The following IRAG2 variants were observed in gnomAD, a reference collection of about 807,000 sequenced individuals.
The protein encoded by IRAG2 is inositol 1,4,5-triphosphate receptor associated 2.
Under a neutral mutation model 69.9 loss-of-function variants are expected in IRAG2, and 45 were observed. The observed-to-expected ratio is 0.64, with a 90% CI of 0.51 to 0.83. IRAG2 has a LOEUF of 0.83. Among genes scored for constraint, IRAG2 ranks in the 40% least tolerant of loss-of-function variants. The pLI is 0.00. For synonymous variants in IRAG2, 193 were observed against 202.4 expected, an observed-to-expected ratio of 0.95 and a Z score of 0.40; for missense variants, 520 against 587.0, an observed-to-expected ratio of 0.89 and a Z score of 1.18.
At chr12:25,061,159 T>A (rs1945611500) in intron 1 of IRAG2, among the ~76,000 whole-genome samples, 1 of 152,190 alleles carries the variant, frequency 6.6e-6, no homozygotes, top group Non-Finnish European at 1.5e-5. Flanking sequence ...TTCCCTTTCC[T>A]TTTCTTGAGG....
At chr12:25,023,875 C>G in exon 8 of IRAG2, 7 of 1,224,882 alleles carry the variant, frequency 5.7e-6, no homozygotes, top group Non-Finnish European at 7.1e-6. Context: ...AATTAGGAGA[C>G]AGAAAACCGG....
At chr12:25,078,016 G>A (rs1946944938) in intron 6 of IRAG2, among the ~76,000 whole-genome samples, 1 of 152,200 alleles carries the variant, frequency 6.6e-6, no homozygotes, top group African/African-American at 2.4e-5. Context: ...GTATGCCCAA[G>A]TTGGTTTTGT....
chr12:25,074,371 C>T (rs1946532444), intron 6 of IRAG2, among the ~76,000 whole-genome samples: 1 of 152,088 alleles, frequency 6.6e-6, no homozygotes, highest in African/African-American at 2.4e-5. Flanking sequence ...CAGTGAGTTC[C>T]AGAGGTGAAT....
chr12:25,080,307 T>G (rs1039136096), intron 9 of IRAG2, among the ~76,000 whole-genome samples: 1 of 149,328 alleles, frequency 6.7e-6, no homozygotes, highest in African/African-American at 2.5e-5. Context: ...AGGCTCTAAT[T>G]CCCATAAAAA....
At chr12:25,013,953 C>T (rs896542883) in intron 3 of IRAG2, among the ~76,000 whole-genome samples, 1 of 132,230 alleles carries the variant, frequency 7.6e-6, no homozygotes, top group Non-Finnish European at 1.6e-5. Context: ...CGGCTCACTG[C>T]AAGCTCCGCC....
intron 13 of IRAG2, chr12:25,035,639 G>A (rs925660985): frequency 1.3e-5 from 5 of 398,766 alleles, no homozygotes; most frequent in Admixed American, 4.4e-5. Context: ...TGGGCATTTC[G>A]ATCCTTGTTT....
chr12:25,099,863 G>A (rs1319035191), intron 15 of IRAG2, among the ~76,000 whole-genome samples: 1 of 151,920 alleles, frequency 6.6e-6, no homozygotes, highest in Non-Finnish European at 1.5e-5. Context: ...AGCCAGGTGT[G>A]GTGGCACGTG....
chr12:25,023,651 GTTACA>G (rs1944600725), intron 7 of IRAG2, among the ~76,000 whole-genome samples: 1 of 152,126 alleles, frequency 6.6e-6, no homozygotes, highest in Non-Finnish European at 1.5e-5. Context: ...AACAACCATA[GTTACA>G]TTGAGTCCAG....
intron 17 of IRAG2, 49 bp downstream of exon 17, chr12:25,102,290 T>C: frequency 9.6e-6 from 14 of 1,456,674 alleles, no homozygotes; most frequent in Non-Finnish European, 1.3e-5. Context: ...TATAAGACGG[T>C]TTTAAAATGT....
intron 6 of IRAG2, among the ~76,000 whole-genome samples, chr12:25,075,489 A>T (rs1946622367): frequency 6.6e-6 from 1 of 151,744 alleles, no homozygotes; most frequent in African/African-American, 2.4e-5. Context: ...TTCAATCTAA[A>T]TATTGAAATA....
chr12:25,053,281 T>G (rs1944973403), intron 1 of IRAG2, among the ~76,000 whole-genome samples: 1 of 151,102 alleles, frequency 6.6e-6, no homozygotes, highest in Non-Finnish European at 1.5e-5. Context: ...GCATGGTATA[T>G]TTGAACTTGC....
intron 1 of IRAG2, among the ~76,000 whole-genome samples, chr12:25,059,961 T>C (rs1301329277): frequency 6.6e-6 from 1 of 152,248 alleles, no homozygotes; most frequent in Non-Finnish European, 1.5e-5. Context: ...TGTTGGTTTA[T>C]AAAATAAGAA....
At chr12:25,070,243 C>T (rs575211874) in intron 6 of IRAG2, among the ~76,000 whole-genome samples, 5 of 152,288 alleles carry the variant, frequency 3.3e-5, no homozygotes, top group African/African-American at 7.2e-5. Context: ...AAATAAACTG[C>T]GTACCCATTG....
At chr12:25,075,273 T>C (rs1946605875) in intron 6 of IRAG2, among the ~76,000 whole-genome samples, 1 of 152,198 alleles carries the variant, frequency 6.6e-6, no homozygotes, top group Non-Finnish European at 1.5e-5. Context: ...ATTTTTTTGT[T>C]CTCAGAAAAT....
chr12:25,049,758 G>A (rs965357666), upstream of IRAG2, among the ~76,000 whole-genome samples: 12 of 151,562 alleles, frequency 7.9e-5, no homozygotes, highest in East Asian at 3.9e-4. Context: ...AGGCTGAGGC[G>A]GATCACGAGG....
chr12:25,055,707 T>C (rs953663672), intron 1 of IRAG2, among the ~76,000 whole-genome samples: 5 of 152,212 alleles, frequency 3.3e-5, no homozygotes, highest in Admixed American at 2.6e-4. Flanking sequence ...TATGCAGAGT[T>C]TGGTTTTCTG....
intron 16 of IRAG2, among the ~76,000 whole-genome samples, chr12:25,045,410 A>G (rs1318109146): frequency 6.6e-6 from 1 of 152,088 alleles, no homozygotes; most frequent in Non-Finnish European, 1.5e-5. Context: ...TTAGAGCAAA[A>G]AGTTGTTTAA....
chr12:25,038,366 A>G (rs887684592), intron 16 of IRAG2, among the ~76,000 whole-genome samples: 24 of 152,096 alleles, frequency 1.6e-4, no homozygotes, highest in African/African-American at 5.5e-4. Flanking sequence ...AAACCAGCCA[A>G]GCGCGGTGGC....
chr12:25,004,256 G>C, upstream of IRAG2: 1 of 974,438 alleles, frequency 1.0e-6, no homozygotes, highest in Non-Finnish European at 1.3e-6. Context: ...CTAAATTATT[G>C]TTAGGAAAAT....
Sources: gnomAD v4.1 joint callset for allele counts (sites outside exome capture counted in the v4.1 genomes callset) on GRCh38, gnomAD v4.1.1 for gene constraint, MANE v1.5 for transcripts, NCBI Gene and HGNC (gene_info 2026-07-23, HGNC 2026-07-21) for gene names.